RNLS: variants seen among roughly 807,000 people sequenced by gnomAD.
RNLS encodes the protein renalase, FAD dependent amine oxidase.
RNLS carries 39 observed loss-of-function variants against 39.8 expected under a neutral mutation model. The ratio of observed to expected loss-of-function variants is 0.98; its 90% CI spans 0.76 to 1.28. RNLS has a LOEUF of 1.28. Among genes scored for constraint, RNLS ranks in the 50% most tolerant of loss-of-function variants. RNLS has a pLI of 0.00. For synonymous variants in RNLS, 147 were observed against 150.7 expected (o/e 0.98, Z 0.18); for missense variants, 410 against 413.3 (o/e 0.99, Z 0.07).
chr10:88,574,472 T>C (rs1023111587), intron 3 of RNLS, among the ~76,000 whole-genome samples: 5 of 152,228 alleles, frequency 3.3e-5, no homozygotes, highest in Non-Finnish European at 5.9e-5. Flanking sequence ...CTGCCTTTAG[T>C]ACTAATTTTG....
At chr10:88,459,176 G>T (rs1425962031) in intron 4 of RNLS, among the ~76,000 whole-genome samples, 1 of 150,730 alleles carries the variant, frequency 6.6e-6, no homozygotes, top group East Asian at 1.9e-4. Context: ...AGGACAAGAA[G>T]AAGTGGGAGT....
intron 5 of RNLS, among the ~76,000 whole-genome samples, chr10:88,352,309 C>A (rs965438456): frequency 5.9e-5 from 9 of 152,128 alleles, no homozygotes; most frequent in African/African-American, 2.2e-4. Flanking sequence ...CAGTTTTTGC[C>A]CATTCAGGAT....
intron 4 of RNLS, among the ~76,000 whole-genome samples, chr10:88,489,819 C>A (rs1284184436): frequency 6.6e-6 from 1 of 152,166 alleles, no homozygotes; most frequent in African/African-American, 2.4e-5. Context: ...TTTTCTACAT[C>A]AGAGCAAGGC....
Position 88,572,656 on chromosome 10 carries a change from A to T in RNLS, c.526+247T>A, listed in dbSNP as rs377439701. The stretch of plus-strand genomic sequence containing the variant: ...CAAAATCATTTCATATCCATCAAAA[A>T]TACTGACGTGTTGAAGACATGGGCA... On this transcript the variant is annotated intron_variant, in intron 4 of 6. Transcript: ENST00000331772. Among the ~76,000 whole-genome samples, 30 of 152,354 alleles carry T rather than the reference A, an allele frequency of 2.0e-4. No homozygotes were observed. The East Asian group carries it at 3.5e-3, about 18-fold the overall frequency.
Position 88,464,004 on chromosome 10 carries a change from GAA to G in RNLS, c.527-101281_527-101280del, listed in dbSNP as rs111433399. On this transcript the variant is annotated intron_variant, in intron 4 of 6. Transcript: ENST00000331772. ...ACAAACCTTGAGTATGTAGAACAAT[GAA>G]AAGAGTGCCAAGCTAGATGTCTGGA... Among the ~76,000 whole-genome samples the G allele has an allele frequency of 7.1e-3, 1,079 of 152,130 alleles. 11 individuals are homozygous for G. Among genetic ancestry groups the G allele is most frequent in the African/African-American group, 0.025 (1,024 of 41,518 alleles).
chr10:88,366,663 G>GAAGA (rs1554872614), intron 4 of RNLS, among the ~76,000 whole-genome samples: 3 of 25,838 alleles, frequency 1.2e-4, no homozygotes, highest in South Asian at 2.2e-3. Context: ...TAAGTTTTCT[G>GAAGA]AAAAAAAAAA....
At chr10:88,564,094 T>C (rs183775684) in intron 4 of RNLS, among the ~76,000 whole-genome samples, 2 of 152,222 alleles carry the variant, frequency 1.3e-5, no homozygotes, top group Non-Finnish European at 2.9e-5. Flanking sequence ...ATTTTATTTC[T>C]GTTATTCATA....
intron 4 of RNLS, among the ~76,000 whole-genome samples, chr10:88,461,551 A>G (rs1370045587): frequency 1.3e-5 from 2 of 151,998 alleles, no homozygotes; most frequent in Admixed American, 6.6e-5. Flanking sequence ...CCACAACACC[A>G]TCTTTTGCCT....
intron 5 of RNLS, among the ~76,000 whole-genome samples, chr10:88,340,975 C>G (rs1318743124): frequency 6.7e-6 from 1 of 150,218 alleles, no homozygotes; most frequent in Non-Finnish European, 1.5e-5. Flanking sequence ...AGGAGAATCG[C>G]TTGAACCTGA....
chr10:88,520,428 T>C (rs1846658325), intron 4 of RNLS, among the ~76,000 whole-genome samples: 1 of 152,046 alleles, frequency 6.6e-6, no homozygotes, highest in South Asian at 2.1e-4. Flanking sequence ...GGCAGGTCAG[T>C]TTCACCAATC....
the RNLS span, among the ~76,000 whole-genome samples, chr10:88,212,996 T>C: frequency 1.6e-4 from 24 of 152,178 alleles, no homozygotes; most frequent in Admixed American, 1.5e-3. Flanking sequence ...GAGCTCTTAA[T>C]GTAAAGAAAA....
chr10:88,187,410 A>G, the RNLS span, among the ~76,000 whole-genome samples: 1 of 151,962 alleles, frequency 6.6e-6, no homozygotes, highest in African/African-American at 2.4e-5. Flanking sequence ...ATGGAGACAG[A>G]TTAGGGTCAT....
At chr10:88,424,688 C>G (rs150948843) in intron 4 of RNLS, among the ~76,000 whole-genome samples, 1 of 152,066 alleles carries the variant, frequency 6.6e-6, no homozygotes, top group South Asian at 2.1e-4. Context: ...GCTAATCTAG[C>G]CTCCATATAA....
At chr10:88,373,346 A>C (rs1850716843) in intron 4 of RNLS, among the ~76,000 whole-genome samples, 2 of 152,126 alleles carry the variant, frequency 1.3e-5, no homozygotes, top group Non-Finnish European at 2.9e-5. Flanking sequence ...ACTAAACAAT[A>C]TGTTCATTTT....
chr10:88,377,201 G>A (rs571950941), intron 4 of RNLS, among the ~76,000 whole-genome samples: 33 of 149,484 alleles, frequency 2.2e-4, no homozygotes, highest in African/African-American at 6.9e-4. Flanking sequence ...TGTGTGTGTC[G>A]CATGCATGCA....
intron 3 of RNLS, among the ~76,000 whole-genome samples, chr10:88,575,292 A>G (rs1850137130): frequency 6.7e-6 from 1 of 149,816 alleles, no homozygotes; most frequent in Admixed American, 6.7e-5. Flanking sequence ...GTATATATAT[A>G]TATGTCAGTG....
chr10:88,522,783 TAAG>T (rs1464618669), intron 4 of RNLS, among the ~76,000 whole-genome samples: 7 of 152,258 alleles, frequency 4.6e-5, no homozygotes, highest in African/African-American at 1.4e-4. Flanking sequence ...TTATTTAACC[TAAG>T]AAGAAGAAGC....
chr10:88,336,937 G>A (rs1847544130), intron 5 of RNLS, among the ~76,000 whole-genome samples: 1 of 152,026 alleles, frequency 6.6e-6, no homozygotes, highest in South Asian at 2.1e-4. Context: ...TAGACTAAGC[G>A]ATCAGTGGAA....
the RNLS span, among the ~76,000 whole-genome samples, chr10:88,223,593 C>T: frequency 1.3e-5 from 2 of 152,282 alleles, no homozygotes; most frequent in East Asian, 1.9e-4. Context: ...TAATGTGAAA[C>T]CAGGAGTTCA....
Sources: gnomAD v4.1 joint callset for allele counts (sites outside exome capture counted in the v4.1 genomes callset) on GRCh38, gnomAD v4.1.1 for gene constraint, MANE v1.5 for transcripts, NCBI Gene and HGNC (gene_info 2026-07-23, HGNC 2026-07-21) for gene names.